PVT1: variants seen among roughly 807,000 people sequenced by gnomAD.
PVT1 encodes the protein CXCR4/PVT1 fusion.
rs140076885 is a variant in PVT1 at position 128,058,115 on chromosome 8, A to T, written n.913-12045A>T. 4.9e-4 allele frequency among the ~76,000 whole-genome samples: 75 copies of T among 152,332 alleles called. 1 individual carries two copies. In the East Asian group the frequency reaches 9.6e-3, roughly 20 times the overall value. ...GGTTACCTGACCAGCTTTCCTACTC[A>T]ACATGGAGCTCTGTCTGTCTCATCT... On this transcript the variant is annotated intron_variant and non_coding_transcript_variant, in intron 4 of 10. Transcript: ENST00000651587.
chr8:127,935,664 C>T (rs1816264203), intron 3 of PVT1, among the ~76,000 whole-genome samples: 1 of 152,060 alleles, frequency 6.6e-6, no homozygotes, highest in African/African-American at 2.4e-5. Context: ...GCTCTGGTTG[C>T]ACAATCGTGG....
intron 3 of PVT1, among the ~76,000 whole-genome samples, chr8:127,959,586 GAAAAAAAAA>G (rs34255005): frequency 6.5e-5 from 5 of 76,494 alleles, no homozygotes; most frequent in Admixed American, 1.5e-4. Flanking sequence ...TCTGTCTCAG[GAAAAAAAAA>G]AAAAAAAAAA....
chr8:127,994,638 G>A (rs181822851), intron 4 of PVT1, among the ~76,000 whole-genome samples: 79 of 152,200 alleles, frequency 5.2e-4, no homozygotes, highest in Admixed American at 5.0e-3. Context: ...TTATTATAAG[G>A]TATTGGCTCA....
chr8:128,042,734 G>GTTTTATTTTATTTTATTTTATTTTAT (rs144761934), intron 4 of PVT1, among the ~76,000 whole-genome samples: 13 of 129,762 alleles, frequency 1.0e-4, no homozygotes, highest in Non-Finnish European at 1.9e-4. Context: ...GGACTAGGTG[G>GTTTTATTTTATTTTATTTTATTTTAT]TTTATTTTAT....
chr8:127,879,458 G>A (rs1041476184), intron 2 of PVT1, among the ~76,000 whole-genome samples: 1 of 152,224 alleles, frequency 6.6e-6, no homozygotes, highest in African/African-American at 2.4e-5. Flanking sequence ...GAACCCAGGA[G>A]GTGGAGGTTG....
At chr8:127,889,968 T>C (rs892174390) in intron 2 of PVT1, among the ~76,000 whole-genome samples, 2 of 152,172 alleles carry the variant, frequency 1.3e-5, no homozygotes, top group Non-Finnish European at 2.9e-5. Context: ...TTAAATACAC[T>C]GGATTGGGAA....
intron 4 of PVT1, among the ~76,000 whole-genome samples, chr8:128,023,772 C>T (rs945544292): frequency 5.3e-5 from 8 of 152,138 alleles, no homozygotes; most frequent in Non-Finnish European, 7.4e-5. Context: ...CCTAGTTTTA[C>T]GTGAGATGTC....
intron 3 of PVT1, among the ~76,000 whole-genome samples, chr8:127,920,585 C>T (rs954896447): frequency 6.6e-6 from 1 of 152,136 alleles, no homozygotes; most frequent in Non-Finnish European, 1.5e-5. Context: ...TAAATGTTAG[C>T]TATTGATATT....
At chr8:127,838,812 AC>A (rs1814937200) in intron 2 of PVT1, among the ~76,000 whole-genome samples, 2 of 152,254 alleles carry the variant, frequency 1.3e-5, no homozygotes, top group South Asian at 4.1e-4. Context: ...CTTCGTTATA[AC>A]CCTATGTTCT....
chr8:128,089,654 G>A (rs984192858), intron 5 of PVT1, among the ~76,000 whole-genome samples: 49 of 152,202 alleles, frequency 3.2e-4, no homozygotes, highest in Non-Finnish European at 6.0e-4. Context: ...ACACAATTAC[G>A]CATAGCAGGG....
intron 3 of PVT1, among the ~76,000 whole-genome samples, chr8:127,975,132 G>A (rs927831110): frequency 5.9e-5 from 9 of 152,092 alleles, no homozygotes; most frequent in South Asian, 4.1e-4. Context: ...GAGCATCTTC[G>A]TGCATATAAC....
chr8:128,051,506 A>AT (rs1180053818), intron 4 of PVT1, among the ~76,000 whole-genome samples: 1 of 151,616 alleles, frequency 6.6e-6, no homozygotes, highest in Admixed American at 6.6e-5. Context: ...AGTTCTATGT[A>AT]TTTTTTTCTT....
chr8:127,925,887 C>A (rs1056051549), intron 3 of PVT1, among the ~76,000 whole-genome samples: 1 of 152,202 alleles, frequency 6.6e-6, no homozygotes, highest in Non-Finnish European at 1.5e-5. Flanking sequence ...GTGAGCCACC[C>A]ACCTCGGGCT....
intron 2 of PVT1, among the ~76,000 whole-genome samples, chr8:127,881,426 ATTG>A (rs982163175): frequency 5.9e-5 from 8 of 135,964 alleles, no homozygotes; most frequent in South Asian, 4.6e-4. Flanking sequence ...TATTAATATT[ATTG>A]TTATTATATT....
intron 4 of PVT1, among the ~76,000 whole-genome samples, chr8:128,013,033 C>T (rs1377621627): frequency 6.6e-6 from 1 of 152,118 alleles, no homozygotes; most frequent in East Asian, 1.9e-4. Context: ...AGCTCTGTGC[C>T]GATTGCTTTT....
At chr8:127,850,257 G>C (rs191066861) in intron 2 of PVT1, among the ~76,000 whole-genome samples, 13 of 152,102 alleles carry the variant, frequency 8.5e-5, no homozygotes, top group Non-Finnish European at 1.8e-4. Flanking sequence ...CCTAGCGGTC[G>C]GTCTGGTTTA....
At chr8:127,937,580 C>CACACACACACACACACACACACACAGAG (rs59006608) in intron 3 of PVT1, among the ~76,000 whole-genome samples, 7 of 107,862 alleles carry the variant, frequency 6.5e-5, no homozygotes, top group African/African-American at 2.6e-4. Context: ...CACACACACA[C>CACACACACACACACACACACACACAGAG]AGAGAGAGAG....
At chr8:128,091,773 G>T (rs183078960) in intron 5 of PVT1, among the ~76,000 whole-genome samples, 24 of 152,270 alleles carry the variant, frequency 1.6e-4, no homozygotes, top group Admixed American at 1.2e-3. Context: ...TTGTAAAGTT[G>T]TGAGGATGGT....
intron 5 of PVT1, among the ~76,000 whole-genome samples, chr8:128,072,123 C>A (rs953844277): frequency 6.6e-6 from 1 of 152,148 alleles, no homozygotes; most frequent in Non-Finnish European, 1.5e-5. Context: ...TATTAAGTAG[C>A]AGGGCCATGA....
Sources: gnomAD v4.1 joint callset for allele counts (sites outside exome capture counted in the v4.1 genomes callset) on GRCh38, gnomAD v4.1.1 for gene constraint, MANE v1.5 for transcripts, NCBI Gene and HGNC (gene_info 2026-07-23, HGNC 2026-07-21) for gene names.